The following ZFYVE16 variants were observed in gnomAD, a reference collection of about 807,000 sequenced individuals.
ZFYVE16 encodes zinc finger FYVE domain-containing protein 16.
In ZFYVE16, 89 loss-of-function variants were observed where a neutral mutation model predicts 138.1. That is an observed-to-expected ratio of 0.64 (90% confidence interval 0.54 to 0.77). The LOEUF (loss-of-function observed/expected upper bound fraction) is 0.77. ZFYVE16 is among the 30% of genes least tolerant of loss of function. The pLI is 0.00. For synonymous variants in ZFYVE16, 596 were observed against 618.3 expected, an observed-to-expected ratio of 0.96 and a Z score of 0.53; for missense variants, 1,793 against 1,786.7, an observed-to-expected ratio of 1.00 and a Z score of -0.06.
At chr5:80,444,610 C>T (rs1199623002) in intron 6 of ZFYVE16, among the ~76,000 whole-genome samples, 5 of 151,198 alleles carry the variant, frequency 3.3e-5, no homozygotes, top group Admixed American at 1.3e-4. Flanking sequence ...ATTCAGTATC[C>T]ACATTATAAG....
At chr5:80,453,962 GT>G (rs1280069317) in intron 11 of ZFYVE16, 1 of 152,136 alleles carries the variant, frequency 6.6e-6, no homozygotes, top group Non-Finnish European at 1.5e-5. Flanking sequence ...GTTGAGAATA[GT>G]GTTTTAAACA....
At position 80,438,293 on chromosome 5, in the gene ZFYVE16, T is replaced by G. The variant is rs1750229114; in HGVS notation, c.1608T>G (p.Phe536Leu). The change falls in exon 4 of 19, where the codon TTT becomes TTG. Residue 536 changes from phenylalanine to leucine, a missense_variant. Physicochemically the swap from Phe to Leu is conservative, Grantham distance 22 (BLOSUM62 0). Transcript: ENST00000505560. Reference sequence around the variant, plus strand: ...TTAGTGATGCTGAACTTGATGCCTTTCTGACAGAACAGTATCTTCAGACCA... The same window carrying G: ...TTAGTGATGCTGAACTTGATGCCTTGCTGACAGAACAGTATCTTCAGACCA... ...PLISDAELDAFLTEQYLQTTN... is the reference protein window; with the variant it reads ...PLISDAELDALLTEQYLQTTN... 6.8e-6 allele frequency: 11 copies of G among 1,614,078 alleles called. No homozygotes were observed. The highest frequency in any genetic ancestry group is 9.3e-6 in the Non-Finnish European group (11 of 1,179,978).
At chr5:80,426,700 T>C (rs538473248) in intron 1 of ZFYVE16, among the ~76,000 whole-genome samples, 2 of 152,332 alleles carry the variant, frequency 1.3e-5, no homozygotes, top group East Asian at 3.9e-4. Context: ...CAGTCTATCA[T>C]TGATGGGCAT....
At position 80,448,225 on chromosome 5, in the gene ZFYVE16, C is replaced by G. The variant is rs1412958029; in HGVS notation, c.2924C>G (p.Thr975Ser). 6.2e-7 allele frequency: 1 copy of G among 1,613,726 alleles called. No individual in the cohort carries two copies. The highest frequency in any genetic ancestry group is 8.5e-7 in the Non-Finnish European group (1 of 1,179,910). Residue 975 changes from threonine (T) to serine (S), a missense_variant, in exon 8 of 19, where the codon ACT becomes AGT. Physicochemically the swap from Thr to Ser is moderately conservative, Grantham distance 58 (BLOSUM62 1). Around this residue, in one of 2 missense-constraint regions of ZFYVE16, gnomAD observed 1,295 missense variants for 1,204.3 expected, o/e 1.08. Coordinates refer to ENST00000505560, the MANE Select transcript of ZFYVE16 (RefSeq NM_001284236.3). The part of the protein sequence containing the change: ...FTLDDDVFAE[T>S]EEPSSPTGVL... ...CTAGATGATGATGTTTTTGCAGAAA[C>G]TGAAGAACCATCTAGTCCTACTGGT... is the stretch of plus-strand genomic sequence containing the variant.
chr5:80,437,366 A>G lies in ZFYVE16; in HGVS notation c.681A>G (p.Leu227=). ...DSYNYSGTEN[L]KDKKIFNQLE... ...ATAATTACAGTGGAACAGAAAATTTAAAAGATAAAAAGATCTTTAATCAGT... is the reference window on the plus strand; with the variant it reads ...ATAATTACAGTGGAACAGAAAATTTGAAAGATAAAAAGATCTTTAATCAGT... The change falls in exon 4 of 19, where the codon TTA becomes TTG. Residue 227 remains leucine, a synonymous_variant. Transcript: ENST00000505560. 1 of 1,603,714 alleles carries G rather than the reference A, an allele frequency of 6.2e-7. No individual in the cohort carries two copies. The highest frequency in any genetic ancestry group is 8.5e-7 in the Non-Finnish European group (1 of 1,176,382).
At chr5:80,447,154 CT>C (rs1353294730) in intron 7 of ZFYVE16, among the ~76,000 whole-genome samples, 3 of 150,854 alleles carry the variant, frequency 2.0e-5, no homozygotes, top group African/African-American at 7.3e-5. Context: ...GTCTCAGCTA[CT>C]AGGGGAGACG....
At chr5:80,435,729 C>T (rs78236901) in intron 3 of ZFYVE16, 255 of 439,640 alleles carry the variant, frequency 5.8e-4, no homozygotes, top group Middle Eastern at 2.0e-3. Context: ...CCAGCATGCC[C>T]GGCTAATTTA....
intron 1 of ZFYVE16, among the ~76,000 whole-genome samples, chr5:80,424,206 C>T (rs768430331): frequency 1.2e-4 from 19 of 152,038 alleles, no homozygotes; most frequent in Non-Finnish European, 1.9e-4. Flanking sequence ...CTTGGCCTCC[C>T]AAATTCTTTT....
chr5:80,416,002 C>T (rs1746160802), intron 1 of ZFYVE16, among the ~76,000 whole-genome samples: 1 of 152,102 alleles, frequency 6.6e-6, no homozygotes, highest in African/African-American at 2.4e-5. Context: ...GATCACTTGA[C>T]TTGAGGTAGT....
At chr5:80,474,609 G>T in intron 17 of ZFYVE16, 54 bp from the exon 18 acceptor site, 1 of 1,507,090 alleles carries the variant, frequency 6.6e-7, no homozygotes, top group Non-Finnish European at 9.0e-7. Flanking sequence ...AGCAATTGTT[G>T]CATTTTAAAG....
In ZFYVE16 at chr5:80,436,861, A is replaced by G; in HGVS notation, c.176A>G (p.Asp59Gly). The G allele has an allele frequency of 1.2e-6, 2 of 1,614,168 alleles. No homozygotes were observed. Among genetic ancestry groups the G allele is most frequent in the Admixed American group, 3.3e-5 (2 of 60,022 alleles). The stretch of plus-strand genomic sequence containing the variant: ...CAGCGAACTTCATTGCTCCCAAAAG[A>G]CCAAGAGTGCGTTAATAGTTGTGCC... ...SSQRTSLLPKDQECVNSCASS... is the reference protein window; with the variant it reads ...SSQRTSLLPKGQECVNSCASS... Residue 59 changes from aspartate (D) to glycine (G), a missense_variant, in exon 4 of 19, where the codon GAC (aspartate) becomes GGC (glycine). By Grantham distance (94) the Asp-to-Gly change is moderately conservative. Transcript: ENST00000505560.
Position 80,450,520 on chromosome 5 carries a change from A to G in ZFYVE16, c.3316A>G (p.Asn1106Asp). Residue 1106 changes from asparagine (N) to aspartate (D), a missense_variant, in exon 10 of 19, where the codon AAT (asparagine) becomes GAT (aspartate). Coordinates refer to ENST00000505560, the MANE Select transcript of ZFYVE16 (RefSeq NM_001284236.3). ...TATTATTCTATTGTTATGTTTGCCA[A>G]ATGAAGATACTATTCCTAAGGACAT... ...EIIILLLCLP[N>D]EDTIPKDIFR... is the part of the protein sequence containing the mutation. The G allele has an allele frequency of 6.2e-7, 1 of 1,613,640 alleles. No homozygotes were observed. The highest frequency in any genetic ancestry group is 1.3e-5 in the African/African-American group (1 of 75,042).
At chr5:80,443,692 C>G (rs914323631) in intron 6 of ZFYVE16, 1 of 456,706 alleles carries the variant, frequency 2.2e-6, no homozygotes, top group African/African-American at 2.0e-5. Context: ...AATCATGAGT[C>G]TAGCAGCTGT....
At position 80,481,371 on chromosome 5, in the gene ZFYVE16, C is replaced by T. The variant is rs1755264172; in HGVS notation, c.*3994C>T. On this transcript the variant is annotated 3_prime_UTR_variant, in exon 19 of 19. Coordinates refer to ENST00000505560, the MANE Select transcript of ZFYVE16 (RefSeq NM_001284236.3). ...AACCCTTAAATCTGTCAATAAAATCCTGGGATCATCTCACAAGCTGTGTAT... is the reference window on the plus strand; with the variant it reads ...AACCCTTAAATCTGTCAATAAAATCTTGGGATCATCTCACAAGCTGTGTAT... Among the ~76,000 whole-genome samples the T allele has an allele frequency of 1.3e-5, 2 of 152,120 alleles. No individual in the cohort carries two copies. Among genetic ancestry groups the T allele is most frequent in the South Asian group, 2.1e-4 (1 of 4,826 alleles).
At chr5:80,452,289 G>A (rs531654140) in intron 11 of ZFYVE16, 1 of 152,182 alleles carries the variant, frequency 6.6e-6, no homozygotes, top group Non-Finnish European at 1.5e-5. Context: ...ACAAAAATTA[G>A]CTGGGTGAGG....
rs1341086437 is a variant in ZFYVE16, at chr5:80,426,268, GTGTGTATATATA to G, written c.-93-1222_-93-1211del. Among the ~76,000 whole-genome samples, 250 of 50,236 alleles carry G rather than the reference GTGTGTATATATA, an allele frequency of 5.0e-3. 1 individual carries two copies. Among genetic ancestry groups the G allele is most frequent in the Middle Eastern group, 0.023 (2 of 86 alleles). The allele number at this position is 50,236 out of a possible 152,430, so 33.0% of individuals were successfully genotyped here. On this transcript the variant is annotated intron_variant, in intron 1 of 18. Transcript: ENST00000505560. ...TGTGTGTGTGTGTGTGTGTGTGTGT[GTGTGTATATATA>G]TATATATATATATAATTAAATTTAA...
intron 3 of ZFYVE16, among the ~76,000 whole-genome samples, chr5:80,435,591 CAG>C (rs1464296866): frequency 6.6e-6 from 1 of 152,142 alleles, no homozygotes; most frequent in African/African-American, 2.4e-5. Flanking sequence ...TTCTAAGAGA[CAG>C]GGTCTTGCTC....
intron 1 of ZFYVE16, among the ~76,000 whole-genome samples, chr5:80,416,778 A>G (rs1358931289): frequency 6.6e-6 from 1 of 152,068 alleles, no homozygotes; most frequent in African/African-American, 2.4e-5. Context: ...CCATTTTTCC[A>G]AGGAGACTTG....
At chr5:80,449,318 T>G (rs985692903) in intron 8 of ZFYVE16, among the ~76,000 whole-genome samples, 6 of 152,206 alleles carry the variant, frequency 3.9e-5, no homozygotes, top group African/African-American at 7.2e-5. Context: ...GTCTTCAAAC[T>G]TTGAAGGTGC....
Sources: gnomAD v4.1 joint callset for allele counts (sites outside exome capture counted in the v4.1 genomes callset) on GRCh38, gnomAD v4.1.1 for gene constraint, gnomAD v4.1.1 regional missense constraint, MANE v1.5 for transcripts, NCBI Gene and HGNC (gene_info 2026-07-23, HGNC 2026-07-21) for gene names.